TMEM232: variants seen among roughly 807,000 people sequenced by gnomAD.
TMEM232 encodes transmembrane protein 232.
In TMEM232, 80 loss-of-function variants were observed where a neutral mutation model predicts 78.8. The ratio of observed to expected loss-of-function variants is 1.01; its 90% CI spans 0.85 to 1.22. TMEM232 has a LOEUF of 1.22. TMEM232 is among the 50% of genes most tolerant of loss of function. The pLI is 0.00. For missense variants in TMEM232, 881 were observed against 742.2 expected, an observed-to-expected ratio of 1.19 and a Z score of -2.17; for synonymous variants, 297 against 254.3, an observed-to-expected ratio of 1.17 and a Z score of -1.60.
intron 12 of TMEM232, among the ~76,000 whole-genome samples, chr5:110,499,627 ACCC>A (rs140788823): frequency 1.7e-5 from 2 of 119,496 alleles, no homozygotes; most frequent in African/African-American, 9.1e-5. Flanking sequence ...ATATGTATAC[ACCC>A]CCCCCCACAC....
intron 12 of TMEM232, among the ~76,000 whole-genome samples, chr5:110,445,248 ATCTC>A (rs1227147288): frequency 1.1e-4 from 16 of 151,892 alleles, no homozygotes; most frequent in South Asian, 2.1e-4. Context: ...GATGAGTCTT[ATCTC>A]TCTATTAATA....
chr5:110,444,167 G>A (rs1324210580), intron 12 of TMEM232, among the ~76,000 whole-genome samples: 1 of 152,124 alleles, frequency 6.6e-6, no homozygotes, highest in Non-Finnish European at 1.5e-5. Context: ...CCTAGGAATT[G>A]TAGTCCTTGT....
intron 2 of TMEM232, among the ~76,000 whole-genome samples, chr5:110,731,700 G>C (rs539149972): frequency 4.6e-5 from 7 of 152,218 alleles, no homozygotes; most frequent in Non-Finnish European, 1.0e-4. Flanking sequence ...CACAGCATGG[G>C]GACTCTGGGG....
At chr5:110,690,268 A>C (rs1793948663) in intron 1 of TMEM232, among the ~76,000 whole-genome samples, 1 of 152,230 alleles carries the variant, frequency 6.6e-6, no homozygotes, top group Non-Finnish European at 1.5e-5. Context: ...AGAATCTAAA[A>C]TGAATTTAAA....
chr5:110,415,533 TTGAG>T (rs1756171099), downstream of TMEM232, among the ~76,000 whole-genome samples: 1 of 151,802 alleles, frequency 6.6e-6, no homozygotes. Flanking sequence ...TTGGAATAGA[TTGAG>T]TCTTTCCTTC....
chr5:110,423,398 A>C (rs1281006022), intron 13 of TMEM232, among the ~76,000 whole-genome samples: 2 of 152,200 alleles, frequency 1.3e-5, no homozygotes, highest in African/African-American at 2.4e-5. Context: ...ATAAAGTATA[A>C]ATACAAAACA....
chr5:110,688,295 A>G (rs909830750), intron 1 of TMEM232, among the ~76,000 whole-genome samples: 2 of 152,210 alleles, frequency 1.3e-5, no homozygotes, highest in African/African-American at 4.8e-5. Context: ...TTCAAGGCAG[A>G]AAGCTGAAGC....
At chr5:110,510,605 C>G (rs749215726) in intron 12 of TMEM232, among the ~76,000 whole-genome samples, 1 of 151,896 alleles carries the variant, frequency 6.6e-6, no homozygotes, top group Non-Finnish European at 1.5e-5. Context: ...CAAGAAAACA[C>G]CAAACAACCC....
chr5:110,589,770 T>C (rs1779283721), intron 10 of TMEM232, among the ~76,000 whole-genome samples: 2 of 152,072 alleles, frequency 1.3e-5, no homozygotes, highest in Non-Finnish European at 2.9e-5. Flanking sequence ...AATAAATACA[T>C]AAAATAAAGT....
At chr5:110,722,939 T>C (rs947590528) in intron 1 of TMEM232, among the ~76,000 whole-genome samples, 1 of 152,206 alleles carries the variant, frequency 6.6e-6, no homozygotes, top group South Asian at 2.1e-4. Flanking sequence ...TTTGGATATA[T>C]TTTCATGAGA....
chr5:110,448,777 AG>A, intron 12 of TMEM232, among the ~76,000 whole-genome samples: 1 of 152,008 alleles, frequency 6.6e-6, no homozygotes, highest in Non-Finnish European at 1.5e-5. Context: ...TTGACATAGA[AG>A]GGTTTTCTTT....
chr5:110,532,564 T>C (rs1771688538), intron 11 of TMEM232, among the ~76,000 whole-genome samples: 1 of 151,890 alleles, frequency 6.6e-6, no homozygotes, highest in African/African-American at 2.4e-5. Flanking sequence ...TTTTAAGCAC[T>C]CCTTTTTAGT....
intron 10 of TMEM232, among the ~76,000 whole-genome samples, chr5:110,598,682 TAA>T (rs1332922379): frequency 6.6e-6 from 1 of 151,658 alleles, no homozygotes; most frequent in Non-Finnish European, 1.5e-5. Context: ...TATGCAGCCA[TAA>T]AAAATGAGGA....
intron 12 of TMEM232, among the ~76,000 whole-genome samples, chr5:110,524,845 A>C (rs1770333177): frequency 6.6e-6 from 1 of 152,054 alleles, no homozygotes; most frequent in African/African-American, 2.4e-5. Flanking sequence ...ATATATATTT[A>C]TAATTGTTAT....
At chr5:110,529,234 T>A (rs1341102545) in intron 11 of TMEM232, among the ~76,000 whole-genome samples, 2 of 152,140 alleles carry the variant, frequency 1.3e-5, no homozygotes, top group Non-Finnish European at 2.9e-5. Flanking sequence ...CTGTTCTTGA[T>A]ATCAACAGAG....
chr5:110,513,422 GAAACTC>G (rs1768091025), intron 12 of TMEM232, among the ~76,000 whole-genome samples: 1 of 151,974 alleles, frequency 6.6e-6, no homozygotes, highest in Admixed American at 6.6e-5. Flanking sequence ...AAATATGTAA[GAAACTC>G]ATACAACTTA....
intron 12 of TMEM232, among the ~76,000 whole-genome samples, chr5:110,476,272 C>T (rs1421782633): frequency 6.6e-6 from 1 of 151,922 alleles, no homozygotes; most frequent in Non-Finnish European, 1.5e-5. Flanking sequence ...TGGATGGGGT[C>T]TCATCCAACT....
At chr5:110,654,866 C>T (rs1168205167) in intron 2 of TMEM232, among the ~76,000 whole-genome samples, 3 of 152,202 alleles carry the variant, frequency 2.0e-5, no homozygotes, top group Non-Finnish European at 4.4e-5. Context: ...CCCTTCACGT[C>T]CCTTGTAAGT....
intron 1 of TMEM232, among the ~76,000 whole-genome samples, chr5:110,671,246 A>G (rs768537407): frequency 8.1e-4 from 123 of 152,206 alleles, no homozygotes; most frequent in Non-Finnish European, 1.3e-3. Context: ...AAGTCTGGAA[A>G]CAACAGATGC....
Sources: allele counts gnomAD v4.1 joint callset (sites outside exome capture counted in the v4.1 genomes callset), GRCh38; gene constraint gnomAD v4.1.1; transcripts MANE v1.5; gene names NCBI Gene and HGNC (gene_info 2026-07-23, HGNC 2026-07-21).